SPATA16: variants seen among roughly 807,000 people sequenced by gnomAD.
The protein encoded by SPATA16 is spermatogenesis associated 16.
Under a neutral mutation model 63.3 loss-of-function variants are expected in SPATA16, and 36 were observed. The observed-to-expected ratio is 0.57, with a 90% CI of 0.44 to 0.75. SPATA16 has a LOEUF of 0.75. SPATA16 is among the 30% of genes least tolerant of loss of function. The probability of loss-of-function intolerance (pLI) is 0.00; values close to 1 mark genes in which losing one functional copy is unlikely to be tolerated. For missense variants in SPATA16, 646 were observed against 679.3 expected, an observed-to-expected ratio of 0.95 and a Z score of 0.54; for synonymous variants, 203 against 216.7, an observed-to-expected ratio of 0.94 and a Z score of 0.56.
At chr3:172,993,889 A>G (rs538273529) in intron 4 of SPATA16, among the ~76,000 whole-genome samples, 1 of 152,188 alleles carries the variant, frequency 6.6e-6, no homozygotes, top group South Asian at 2.1e-4. Flanking sequence ...GAAGTCTTGT[A>G]TTATTCTGGT....
chr3:173,034,239 T>G (rs1473095259), intron 3 of SPATA16, among the ~76,000 whole-genome samples: 1 of 152,190 alleles, frequency 6.6e-6, no homozygotes, highest in South Asian at 2.1e-4. Context: ...TATTATTTTT[T>G]ATGCTGCCTT....
At chr3:172,972,403 T>C (rs1734067421) in intron 5 of SPATA16, among the ~76,000 whole-genome samples, 1 of 152,212 alleles carries the variant, frequency 6.6e-6, no homozygotes, top group African/African-American at 2.4e-5. Context: ...GCCTTTTCAG[T>C]AGATCTTTGT....
intron 3 of SPATA16, among the ~76,000 whole-genome samples, chr3:173,045,919 A>G (rs1477452078): frequency 6.6e-6 from 1 of 152,158 alleles, no homozygotes; most frequent in Non-Finnish European, 1.5e-5. Context: ...AATCATTTTT[A>G]AAATAGGGAT....
intron 6 of SPATA16, among the ~76,000 whole-genome samples, chr3:172,936,581 C>T (rs1732999857): frequency 6.6e-6 from 1 of 152,046 alleles, no homozygotes; most frequent in African/African-American, 2.4e-5. Context: ...TGGTAAGTCC[C>T]GAGTTTTGTG....
intron 3 of SPATA16, among the ~76,000 whole-genome samples, chr3:173,024,144 A>G (rs1735399431): frequency 6.6e-6 from 1 of 151,586 alleles, no homozygotes; most frequent in South Asian, 2.1e-4. Context: ...TATTGATAGC[A>G]TAGCATTTAA....
intron 5 of SPATA16, among the ~76,000 whole-genome samples, chr3:172,957,448 A>G (rs1733623679): frequency 1.3e-5 from 2 of 152,150 alleles, no homozygotes; most frequent in Admixed American, 1.3e-4. Context: ...TTCTTGATAA[A>G]GCCCTGCCAT....
intron 2 of SPATA16, among the ~76,000 whole-genome samples, chr3:173,062,095 G>A (rs975126827): frequency 7.1e-6 from 1 of 140,638 alleles, no homozygotes; most frequent in Admixed American, 7.3e-5. Context: ...TAGAGGTGTG[G>A]CCACCGTGGG....
chr3:173,039,970 C>T (rs1735800022), intron 3 of SPATA16, among the ~76,000 whole-genome samples: 1 of 152,080 alleles, frequency 6.6e-6, no homozygotes, highest in South Asian at 2.1e-4. Flanking sequence ...GAATCTGATC[C>T]ACCTTCAGAA....
chr3:173,063,008 T>A (rs1736421278), intron 2 of SPATA16, among the ~76,000 whole-genome samples: 1 of 152,198 alleles, frequency 6.6e-6, no homozygotes, highest in African/African-American at 2.4e-5. Context: ...TGCGGCCCTG[T>A]TCCTAGCAGG....
intron 2 of SPATA16, among the ~76,000 whole-genome samples, chr3:173,093,151 C>G (rs1737267025): frequency 6.6e-6 from 1 of 151,698 alleles, no homozygotes; most frequent in African/African-American, 2.4e-5. Context: ...ATCCCCAATT[C>G]TAAGACTATG....
At chr3:173,001,288 A>AC (rs1164226914) in intron 4 of SPATA16, among the ~76,000 whole-genome samples, 1 of 75,118 alleles carries the variant, frequency 1.3e-5, no homozygotes, top group Non-Finnish European at 2.2e-5. Context: ...TTTTGTTTTC[A>AC]CCCTTAGGTG....
chr3:173,016,934 A>G (rs1175713247), intron 4 of SPATA16, among the ~76,000 whole-genome samples: 2 of 151,876 alleles, frequency 1.3e-5, no homozygotes, highest in Non-Finnish European at 2.9e-5. Flanking sequence ...GAATTGCTTG[A>G]ACCTGAGAGG....
At chr3:172,965,633 A>C (rs1188159006) in intron 5 of SPATA16, among the ~76,000 whole-genome samples, 2 of 151,186 alleles carry the variant, frequency 1.3e-5, no homozygotes, top group Non-Finnish European at 3.0e-5. Context: ...TTTCTTTATT[A>C]TTTATTATTT....
intron 3 of SPATA16, among the ~76,000 whole-genome samples, chr3:173,020,633 C>A (rs768455257): frequency 6.6e-6 from 1 of 152,146 alleles, no homozygotes; most frequent in Admixed American, 6.6e-5. Context: ...AAGGGGTAGA[C>A]CTTTCTCTTC....
At chr3:173,020,295 A>G (rs1020133276) in intron 3 of SPATA16, among the ~76,000 whole-genome samples, 1 of 142,740 alleles carries the variant, frequency 7.0e-6, no homozygotes, top group African/African-American at 2.5e-5. Context: ...TTCGTCTCAG[A>G]AAAAAAAAAA....
intron 10 of SPATA16, among the ~76,000 whole-genome samples, chr3:172,906,921 C>A (rs1241325487): frequency 6.6e-6 from 1 of 151,790 alleles, no homozygotes; most frequent in African/African-American, 2.4e-5. Context: ...TTTTTTGTAT[C>A]TTTAGTAGAG....
Position 172,924,333 on chromosome 3 carries a change from A to G in SPATA16, c.1229-16T>C, listed in dbSNP as rs1212746067. 4.5e-6 allele frequency: 7 copies of G among 1,572,224 alleles called. No homozygotes were observed. Among genetic ancestry groups the G allele is most frequent in the Admixed American group, 3.3e-5 (2 of 59,880 alleles). On this transcript the variant is annotated splice_polypyrimidine_tract_variant and intron_variant, in intron 7 of 10. Coordinates refer to ENST00000351008, the MANE Select transcript of SPATA16 (RefSeq NM_031955.6). ...GTTTTATGCTCTAAAAATTGTAACA[A>G]TAAACTTTTATACTATTTTCTCCAG...
intron 6 of SPATA16, among the ~76,000 whole-genome samples, chr3:172,949,718 C>A (rs1733383721): frequency 6.6e-6 from 1 of 151,924 alleles, no homozygotes; most frequent in South Asian, 2.1e-4. Flanking sequence ...TTGGAAATGG[C>A]CTTGGGGCTT....
intron 6 of SPATA16, among the ~76,000 whole-genome samples, chr3:172,952,778 A>G (rs1424332935): frequency 2.0e-5 from 3 of 152,036 alleles, no homozygotes; most frequent in Non-Finnish European, 4.4e-5. Context: ...CGTCTCTACT[A>G]AAAATGCAAA....
Sources: gnomAD v4.1 joint callset for allele counts (sites outside exome capture counted in the v4.1 genomes callset) on GRCh38, gnomAD v4.1.1 for gene constraint, MANE v1.5 for transcripts, NCBI Gene and HGNC (gene_info 2026-07-23, HGNC 2026-07-21) for gene names.